Variants in FGD6 observed in about 807,000 individuals in gnomAD.
The protein encoded by FGD6 is FYVE, RhoGEF and PH domain-containing protein 6.
In FGD6, 90 loss-of-function variants were observed where a neutral mutation model predicts 149.4. The observed-to-expected ratio is 0.60, with a 90% CI of 0.51 to 0.72. The LOEUF (loss-of-function observed/expected upper bound fraction) is 0.72, where lower values mean the gene tolerates loss of function less well. Among genes scored for constraint, FGD6 ranks in the 30% least tolerant of loss-of-function variants. The pLI is 0.00. For missense variants in FGD6, 1,437 were observed against 1,684.8 expected, an observed-to-expected ratio of 0.85 and a Z score of 2.57; for synonymous variants, 527 against 584.0, an observed-to-expected ratio of 0.90 and a Z score of 1.41.
chr12:95,107,742 G>T, intron 11 of FGD6, 111 bp from the exon 12 acceptor site: 1 of 1,061,324 alleles, frequency 9.4e-7, no homozygotes, highest in Non-Finnish European at 1.4e-6. Context: ...AGACTGGGGA[G>T]CCACAGTTTC....
At chr12:95,188,952 A>C (rs1480523210) in intron 2 of FGD6, among the ~76,000 whole-genome samples, 1 of 152,186 alleles carries the variant, frequency 6.6e-6, no homozygotes, top group East Asian at 1.9e-4. Context: ...GGATTACAGC[A>C]ATAGTTTTTG....
intron 9 of FGD6, 108 bp downstream of exon 9, chr12:95,113,543 C>T (rs924346138): frequency 2.1e-5 from 19 of 891,012 alleles, no homozygotes; most frequent in African/African-American, 1.0e-4. Flanking sequence ...CCCTTCAAGT[C>T]GTATGAAGAG....
At position 95,210,788 on chromosome 12, in the gene FGD6, C is replaced by T. The variant is rs1447655436; in HGVS notation, c.496G>A (p.Ala166Thr). The T allele has an allele frequency of 6.8e-6, 11 of 1,614,068 alleles. No individual in the cohort carries two copies. Among genetic ancestry groups the T allele is most frequent in the Non-Finnish European group, 8.5e-6 (10 of 1,180,008 alleles). The change falls in exon 2 of 21, where the codon GCC becomes ACC. Residue 166 changes from alanine to threonine, a missense_variant. Transcript: ENST00000343958. ...AAAACAACCCCACCCTGGTTCTTGG[C>T]TTTTTCACCATACAAATCACATTTA... ...RSKCDLYGEK[A>T]KNQGGVVLKA...
chr12:95,209,815 T>C lies in FGD6; in HGVS notation c.1469A>G (p.Asn490Ser). The change falls in exon 2 of 21, where the codon AAT becomes AGT. Residue 490 changes from asparagine (N) to serine (S), a missense_variant. By Grantham distance (46) the Asn-to-Ser change is conservative. Around this residue, in one of 2 missense-constraint regions of FGD6, gnomAD observed 1,055 missense variants for 1,146.0 expected, o/e 0.92. Transcript: ENST00000343958. ...MQKESVIKEE[N>S]SLRIVPKKPQ... ...TTTTTTGGGGACAATTCGTAGAGAA[T>C]TTTCCTCTTTTATAACAGATTCCTT... is the stretch of plus-strand genomic sequence containing the variant. 6.2e-7 allele frequency: 1 copy of C among 1,609,796 alleles called. No homozygotes were observed. Among genetic ancestry groups the C allele is most frequent in the Non-Finnish European group, 8.5e-7 (1 of 1,179,030 alleles).
chr12:95,146,213 C>T (rs1199393421), intron 5 of FGD6, among the ~76,000 whole-genome samples: 1 of 152,204 alleles, frequency 6.6e-6, no homozygotes, highest in Non-Finnish European at 1.5e-5. Context: ...TCTTTAACTT[C>T]TCAGCTCTTC....
chr12:95,098,230 G>A (rs1289424117), intron 14 of FGD6, among the ~76,000 whole-genome samples: 1 of 152,092 alleles, frequency 6.6e-6, no homozygotes, highest in African/African-American at 2.4e-5. Flanking sequence ...CACAGTGCAT[G>A]GCACCATCTC....
At chr12:95,093,690 A>AT (rs1346750620) in intron 15 of FGD6, among the ~76,000 whole-genome samples, 2 of 150,572 alleles carry the variant, frequency 1.3e-5, no homozygotes, top group African/African-American at 4.9e-5. Context: ...AAAAAAAAAA[A>AT]ATACAAAAAT....
At chr12:95,117,421 CTTTT>C (rs1021156177) in intron 8 of FGD6, among the ~76,000 whole-genome samples, 2 of 146,660 alleles carry the variant, frequency 1.4e-5, no homozygotes, top group South Asian at 4.4e-4. Flanking sequence ...TGCAAGCTGC[CTTTT>C]TTTTTTCTTT....
intron 3 of FGD6, among the ~76,000 whole-genome samples, chr12:95,161,968 G>A (rs1436226182): frequency 6.6e-6 from 1 of 151,302 alleles, no homozygotes; most frequent in Non-Finnish European, 1.5e-5. Context: ...ATTAAAAGTA[G>A]GTGTTAGAAG....
intron 15 of FGD6, among the ~76,000 whole-genome samples, chr12:95,094,081 C>T (rs1329010336): frequency 6.0e-5 from 9 of 150,176 alleles, no homozygotes; most frequent in African/African-American, 2.0e-4. Context: ...ACCACTTGAA[C>T]CCAGGAGGCA....
intron 18 of FGD6, 84 bp downstream of exon 18, chr12:95,089,485 T>C: frequency 6.8e-7 from 1 of 1,470,120 alleles, no homozygotes; most frequent in Non-Finnish European, 9.2e-7. Flanking sequence ...AATGACATCT[T>C]CCTTTATGAA....
At chr12:95,092,565 C>T in intron 16 of FGD6, 134 bp downstream of exon 16, 3 of 957,008 alleles carry the variant, frequency 3.1e-6, no homozygotes, top group Non-Finnish European at 4.3e-6. Context: ...TGTTTGCTAC[C>T]ATTAACATAA....
intron 3 of FGD6, among the ~76,000 whole-genome samples, chr12:95,153,986 G>C (rs1880391982): frequency 6.6e-6 from 1 of 151,590 alleles, no homozygotes; most frequent in Non-Finnish European, 1.5e-5. Flanking sequence ...GAGAGACAGA[G>C]TCTCGCTCTG....
intron 2 of FGD6, among the ~76,000 whole-genome samples, chr12:95,181,385 G>T (rs1266728475): frequency 6.6e-6 from 1 of 152,176 alleles, no homozygotes; most frequent in South Asian, 2.1e-4. Flanking sequence ...GGAGCCCCAT[G>T]GTGACAAGAG....
rs879523616 is a variant in FGD6, at chr12:95,127,119, C to CT, written c.3082+7619dup. On this transcript the variant is annotated intron_variant, in intron 8 of 20. Coordinates refer to ENST00000343958, the MANE Select transcript of FGD6 (RefSeq NM_018351.4). ...TTGTCTGGAGTGCAGGACAGCCCTA[C>CT]TTTTTTTTTTTTTTAAATCAAGTTC... Among the ~76,000 whole-genome samples, 268 of 145,858 alleles carry CT rather than the reference C, an allele frequency of 1.8e-3. 2 individuals carry two copies. The highest frequency in any genetic ancestry group is 5.6e-3 in the African/African-American group (222 of 39,848).
At chr12:95,172,428 G>C (rs1377872976) in intron 3 of FGD6, among the ~76,000 whole-genome samples, 172 bp downstream of exon 3, 2 of 151,998 alleles carry the variant, frequency 1.3e-5, no homozygotes, top group South Asian at 2.1e-4. Context: ...ATACATACTT[G>C]GTAACATGAG....
intron 2 of FGD6, among the ~76,000 whole-genome samples, chr12:95,178,878 G>A (rs868460314): frequency 2.0e-4 from 30 of 151,974 alleles, no homozygotes; most frequent in African/African-American, 7.2e-4. Context: ...AAATGTACAC[G>A]ATCAGTGTTT....
intron 3 of FGD6, among the ~76,000 whole-genome samples, chr12:95,163,006 T>G (rs578202361): frequency 1.3e-5 from 2 of 152,370 alleles, no homozygotes; most frequent in African/African-American, 4.8e-5. Context: ...TTCTGTACAC[T>G]GCCACTAGAA....
At chr12:95,158,459 T>G (rs1880543556) in intron 3 of FGD6, among the ~76,000 whole-genome samples, 1 of 151,784 alleles carries the variant, frequency 6.6e-6, no homozygotes, top group South Asian at 2.1e-4. Context: ...AGAGGCATGA[T>G]CACTCACCTT....
Sources: allele counts gnomAD v4.1 joint callset (sites outside exome capture counted in the v4.1 genomes callset), GRCh38; gene constraint gnomAD v4.1.1; regional missense constraint gnomAD v4.1.1; transcripts MANE v1.5; gene names NCBI Gene and HGNC (gene_info 2026-07-23, HGNC 2026-07-21).